SGCZ: variants seen among roughly 807,000 people sequenced by gnomAD.
The protein encoded by SGCZ is sarcoglycan zeta.
In SGCZ, 40 loss-of-function variants were observed where a neutral mutation model predicts 41.3. The observed-to-expected ratio is 0.97, with a 90% confidence interval of 0.75 to 1.26. SGCZ has a LOEUF of 1.26. SGCZ is among the 50% of genes most tolerant of loss of function. The probability of loss-of-function intolerance (pLI) is 0.00; values close to 1 mark genes in which losing one functional copy is unlikely to be tolerated. For missense variants in SGCZ, 552 were observed against 369.8 expected, an observed-to-expected ratio of 1.49 and a Z score of -4.04; for synonymous variants, 206 against 137.5, an observed-to-expected ratio of 1.50 and a Z score of -3.49.
chr8:15,194,358 G>A (rs1484301424), intron 1 of SGCZ, among the ~76,000 whole-genome samples: 1 of 152,132 alleles, frequency 6.6e-6, no homozygotes, highest in African/African-American at 2.4e-5. Context: ...AGGTCAGGTA[G>A]ATACAAACTT....
At chr8:14,815,060 C>T (rs1330202752) in intron 1 of SGCZ, among the ~76,000 whole-genome samples, 2 of 152,070 alleles carry the variant, frequency 1.3e-5, no homozygotes, top group Non-Finnish European at 2.9e-5. Flanking sequence ...TGGTAATTCA[C>T]TTTATTTATT....
At chr8:14,497,840 C>A (rs1418083551) in intron 2 of SGCZ, among the ~76,000 whole-genome samples, 2 of 152,018 alleles carry the variant, frequency 1.3e-5, no homozygotes, top group Non-Finnish European at 2.9e-5. Context: ...GAATATACAC[C>A]CAACAATAAG....
chr8:15,062,917 C>A (rs1804989852), intron 1 of SGCZ, among the ~76,000 whole-genome samples: 1 of 151,954 alleles, frequency 6.6e-6, no homozygotes, highest in African/African-American at 2.4e-5. Flanking sequence ...TAAAATAGAC[C>A]TAAGCTAACA....
At chr8:15,226,723 A>G (rs907313196) in intron 1 of SGCZ, among the ~76,000 whole-genome samples, 1 of 152,220 alleles carries the variant, frequency 6.6e-6, no homozygotes, top group African/African-American at 2.4e-5. Flanking sequence ...ACATAACAGT[A>G]GAATTCACTA....
chr8:14,472,647 T>C (rs2116982275), intron 2 of SGCZ, among the ~76,000 whole-genome samples: 1 of 152,236 alleles, frequency 6.6e-6, no homozygotes, highest in South Asian at 2.1e-4. Flanking sequence ...TCCTCTTCCA[T>C]TCTACTGGTC....
In SGCZ at chr8:15,045,321, G is replaced by A. The variant is rs142567967; in HGVS notation, c.39+192264C>T. Among the ~76,000 whole-genome samples the A allele has an allele frequency of 8.1e-3, 1,239 of 152,158 alleles. 9 individuals carry two copies. Among genetic ancestry groups the A allele is most frequent in the Middle Eastern group, 0.017 (5 of 294 alleles). On this transcript the variant is annotated intron_variant, in intron 1 of 7. Coordinates refer to ENST00000382080, the MANE Select transcript of SGCZ (RefSeq NM_139167.4). ...TTAGCTGGGCCTTAAATGATAGGTG[G>A]ATTCAGGATGAATAAAAATGACTTT...
At chr8:14,772,186 G>C (rs187530090) in intron 1 of SGCZ, among the ~76,000 whole-genome samples, 1 of 152,062 alleles carries the variant, frequency 6.6e-6, no homozygotes, top group Admixed American at 6.6e-5. Flanking sequence ...GTAAGTGTTC[G>C]GAACACATTT....
At chr8:15,076,320 C>A (rs1016426445) in intron 1 of SGCZ, among the ~76,000 whole-genome samples, 2 of 151,972 alleles carry the variant, frequency 1.3e-5, no homozygotes, top group African/African-American at 4.8e-5. Context: ...TGGGTAAACA[C>A]AGAGGCTACA....
rs186843206 is a variant in SGCZ, at chr8:15,012,484, T to C, written c.39+225101A>G. On this transcript the variant is annotated intron_variant, in intron 1 of 7. Transcript: ENST00000382080. Reference sequence around the variant, plus strand: ...TCTAAAAAATAAATATAAATATATATATATATAAAATAAATGTATAAATAT... The same window carrying C: ...TCTAAAAAATAAATATAAATATATACATATATAAAATAAATGTATAAATAT... 1.0e-3 allele frequency among the ~76,000 whole-genome samples: 148 copies of C among 142,842 alleles called. No homozygotes were observed. In the East Asian group the frequency reaches 0.011, roughly 11 times the overall value. 93.7% of individuals were successfully genotyped at this position (142,842 alleles called of 152,430 possible). A position where few individuals can be genotyped will look rare whatever the true frequency, so the allele number is the denominator to read the frequency against.
chr8:14,900,436 G>A (rs1050924820), intron 1 of SGCZ, among the ~76,000 whole-genome samples: 8 of 152,138 alleles, frequency 5.3e-5, no homozygotes, highest in African/African-American at 1.4e-4. Context: ...ACCCAATAGC[G>A]GTATTCTGTA....
intron 4 of SGCZ, among the ~76,000 whole-genome samples, chr8:14,191,375 G>A (rs986045337): frequency 2.6e-5 from 4 of 151,914 alleles, no homozygotes; most frequent in Admixed American, 6.6e-5. Context: ...TGTTGCCTGC[G>A]CCATATGACA....
chr8:14,493,907 T>C (rs1801916071), intron 2 of SGCZ, among the ~76,000 whole-genome samples: 1 of 152,172 alleles, frequency 6.6e-6, no homozygotes, highest in Admixed American at 6.5e-5. Flanking sequence ...ATAAGTCTAA[T>C]GGACTTTTGA....
At chr8:14,540,078 T>C (rs1481121493) in intron 2 of SGCZ, among the ~76,000 whole-genome samples, 1 of 151,892 alleles carries the variant, frequency 6.6e-6, no homozygotes, top group Non-Finnish European at 1.5e-5. Context: ...CCAGAGGAAA[T>C]GACATAAAAT....
intron 1 of SGCZ, among the ~76,000 whole-genome samples, chr8:14,976,308 C>G (rs1020500398): frequency 3.3e-5 from 5 of 151,938 alleles, no homozygotes; most frequent in Non-Finnish European, 7.4e-5. Flanking sequence ...CAGGTGTCAG[C>G]CACCGCGCCT....
chr8:14,278,683 T>C (rs1299888479), intron 3 of SGCZ, among the ~76,000 whole-genome samples: 1 of 152,164 alleles, frequency 6.6e-6, no homozygotes, highest in Non-Finnish European at 1.5e-5. Flanking sequence ...ATTGATTTGA[T>C]ATAATCTTTC....
chr8:14,533,460 T>C (rs191340691), intron 2 of SGCZ, among the ~76,000 whole-genome samples: 1 of 152,060 alleles, frequency 6.6e-6, no homozygotes, highest in Non-Finnish European at 1.5e-5. Flanking sequence ...AAACATTCTA[T>C]GCTAATGAGG....
chr8:14,574,126 G>C (rs1804638958), intron 1 of SGCZ, among the ~76,000 whole-genome samples: 1 of 152,152 alleles, frequency 6.6e-6, no homozygotes, highest in African/African-American at 2.4e-5. Flanking sequence ...TAGCTTCACA[G>C]AAGCATTTGA....
Position 14,836,074 on chromosome 8 carries a change from G to A in SGCZ, c.40-281148C>T, listed in dbSNP as rs141675491. Among the ~76,000 whole-genome samples, 640 of 152,040 alleles carry A rather than the reference G, an allele frequency of 4.2e-3. 4 individuals are homozygous for A. The highest frequency in any genetic ancestry group is 0.015 in the African/African-American group (607 of 41,456). On this transcript the variant is annotated intron_variant, in intron 1 of 7. Transcript: ENST00000382080. ...CTTTAGGCCCTCTACCTTGATTAAC[G>A]TCATCTAGGGACATTCACACATTGC...
At chr8:14,564,272 G>A (rs1045182107) in intron 1 of SGCZ, among the ~76,000 whole-genome samples, 1 of 152,162 alleles carries the variant, frequency 6.6e-6, no homozygotes, top group Non-Finnish European at 1.5e-5. Flanking sequence ...GATATTCCAG[G>A]AGAAGTGGTA....
Sources: gnomAD v4.1 joint callset for allele counts (sites outside exome capture counted in the v4.1 genomes callset) on GRCh38, gnomAD v4.1.1 for gene constraint, MANE v1.5 for transcripts, NCBI Gene and HGNC (gene_info 2026-07-23, HGNC 2026-07-21) for gene names.